The following MAPK7 variants were observed in gnomAD, a reference collection of about 807,000 sequenced individuals.
The protein encoded by MAPK7 is mitogen-activated protein kinase 7.
Under a neutral mutation model 56.9 loss-of-function variants are expected in MAPK7, and 30 were observed. The ratio of observed to expected loss-of-function variants is 0.53; its 90% CI spans 0.39 to 0.72. MAPK7 has a LOEUF of 0.72. Among genes scored for constraint, MAPK7 ranks in the 30% least tolerant of loss-of-function variants. The pLI is 0.00. For missense variants in MAPK7, 952 were observed against 1,110.8 expected, an observed-to-expected ratio of 0.86 and a Z score of 2.03; for synonymous variants, 516 against 449.3, an observed-to-expected ratio of 1.15 and a Z score of -1.88.
chr17:19,381,463 A>G lies in MAPK7; in HGVS notation c.1254A>G (p.Glu418=). ...VASEPGCPDV[E]MPSPWAPSGD... The stretch of plus-strand genomic sequence containing the variant: ...GTGAGCCTGGCTGTCCAGATGTTGA[A>G]ATGCCCAGTCCCTGGGCTCCCAGTG... Residue 418 remains glutamate, a synonymous_variant, in exon 4 of 7, where the codon GAA becomes GAG. Coordinates refer to ENST00000395604, the MANE Select transcript of MAPK7 (RefSeq NM_002749.4). The surrounding 1 kb of genome is among the most constrained non-coding windows in gnomAD (Gnocchi z 4.6). The G allele has an allele frequency of 6.2e-7, 1 of 1,614,074 alleles. No homozygotes were observed. Among genetic ancestry groups the G allele is most frequent in the Non-Finnish European group, 8.5e-7 (1 of 1,180,030 alleles).
Position 19,378,875 on chromosome 17 carries a change from C to T in MAPK7, c.-5-21C>T, listed in dbSNP as rs1268777165. ...GAGGCCCACGGTAGGTGGTCCTCTCCTCACCCGAGTCTCCACACAGACACC... is the reference window on the plus strand; with the variant it reads ...GAGGCCCACGGTAGGTGGTCCTCTCTTCACCCGAGTCTCCACACAGACACC... On this transcript the variant is annotated intron_variant, in intron 1 of 6. Transcript: ENST00000395604. This position sits in a 1 kb window ranked among gnomAD's most constrained non-coding sequence, Gnocchi z 5.4. The T allele has an allele frequency of 7.8e-6, 12 of 1,540,284 alleles. No homozygotes were observed. The highest frequency in any genetic ancestry group is 7.9e-6 in the Non-Finnish European group (9 of 1,137,730).
At position 19,383,475 on chromosome 17, in the gene MAPK7, GTTA is replaced by G. The variant is rs1032097495; in HGVS notation, c.*251_*253del. The G allele has an allele frequency of 2.9e-6, 1 of 346,570 alleles. No individual in the cohort carries two copies. The highest frequency in any genetic ancestry group is 2.1e-5 in the African/African-American group (1 of 47,250). 21.5% of individuals were successfully genotyped at this position (346,570 alleles called of 1,614,324 possible). On this transcript the variant is annotated 3_prime_UTR_variant, in exon 7 of 7. Transcript: ENST00000395604. ...AGTATTATATTTTTATTATTATTAT[GTTA>G]TTATTACACTGTCTTTTTGCCATCA...
chr17:19,378,036 T>G, upstream of MAPK7: 1 of 985,230 alleles, frequency 1.0e-6, no homozygotes, highest in Non-Finnish European at 1.2e-6. This position sits in a 1 kb window ranked among gnomAD's most constrained non-coding sequence, Gnocchi z 5.4. Flanking sequence ...CCAGAGCTCC[T>G]GGGACCAAGC....
rs747534963 is a variant in MAPK7, at chr17:19,378,859, G to A, written c.-5-37G>A. On this transcript the variant is annotated intron_variant, in intron 1 of 6. Coordinates refer to ENST00000395604, the MANE Select transcript of MAPK7 (RefSeq NM_002749.4). This position sits in a 1 kb window ranked among gnomAD's most constrained non-coding sequence, Gnocchi z 5.4. ...CCGCAGAGGGGACACTGAGGCCCAC[G>A]GTAGGTGGTCCTCTCCTCACCCGAG... 1.4e-6 allele frequency: 2 copies of A among 1,478,974 alleles called. No homozygotes were observed. Among genetic ancestry groups the A allele is most frequent in the South Asian group, 2.4e-5 (2 of 82,072 alleles). 91.6% of individuals were successfully genotyped at this position (1,478,974 alleles called of 1,614,324 possible). A position where few individuals can be genotyped will look rare whatever the true frequency, so the allele number is the denominator to read the frequency against.
At chr17:19,380,379 C>G in intron 3 of MAPK7, 1 of 1,217,990 alleles carries the variant, frequency 8.2e-7, no homozygotes, top group Non-Finnish European at 1.1e-6. Context: ...CATCTTTTAT[C>G]TGATGGGGAA....
Position 19,380,638 on chromosome 17 carries a change from C to A in MAPK7, c.429C>A (p.Asp143Glu). ...TGGTCCTGGACCTGATGGAAAGCGA[C>A]CTGCACCAGATCATCCACTCCTCAC... The part of the protein sequence containing the change: ...VYVVLDLMES[D>E]LHQIIHSSQP... Residue 143 changes from aspartate (D) to glutamate (E), a missense_variant, in exon 4 of 7, where the codon GAC (aspartate) becomes GAA (glutamate). Coordinates refer to ENST00000395604, the MANE Select transcript of MAPK7 (RefSeq NM_002749.4). 6.2e-7 allele frequency: 1 copy of A among 1,608,638 alleles called. No homozygotes were observed. Among genetic ancestry groups the A allele is most frequent in the Non-Finnish European group, 8.5e-7 (1 of 1,175,814 alleles).
rs1692057883 is a variant in MAPK7, at chr17:19,378,572, G to C, written c.-64G>C. The stretch of plus-strand genomic sequence containing the variant: ...GTGAGCCACCCTCGGAGACCCCCGC[G>C]CTGGGGACGGGAGGCCGGCGAGCCT... On this transcript the variant is annotated 5_prime_UTR_variant, in exon 1 of 7. Coordinates refer to ENST00000395604, the MANE Select transcript of MAPK7 (RefSeq NM_002749.4). The surrounding 1 kb of genome is among the most constrained non-coding windows in gnomAD (Gnocchi z 5.4). 1.6e-6 allele frequency: 2 copies of C among 1,214,554 alleles called. No individual in the cohort carries two copies. The highest frequency in any genetic ancestry group is 4.2e-5 in the Admixed American group (1 of 24,008). 75.2% of individuals were successfully genotyped at this position (1,214,554 alleles called of 1,614,324 possible).
intron 2 of MAPK7, 76 bp from the exon 3 acceptor site, chr17:19,379,706 G>A (rs934436986): frequency 1.3e-5 from 17 of 1,356,854 alleles, no homozygotes; most frequent in Non-Finnish European, 1.5e-5. Flanking sequence ...TAGAAGGGAG[G>A]TGTTGATAGG....
At position 19,381,291 on chromosome 17, in the gene MAPK7, C is replaced by T. The variant is rs755910431; in HGVS notation, c.1082C>T (p.Pro361Leu). ...CCTGATGATGAGCCTGACTGTGCCC[C>T]GCCCTTTGACTTTGCCTTTGACCGC... ...HDPDDEPDCA[P>L]PFDFAFDREA... is the part of the protein sequence containing the mutation. The change falls in exon 4 of 7, where the codon CCG becomes CTG. Residue 361 changes from proline to leucine, a missense_variant. Transcript: ENST00000395604. This position sits in a 1 kb window ranked among gnomAD's most constrained non-coding sequence, Gnocchi z 4.6. 13 of 1,613,966 alleles carry T rather than the reference C, an allele frequency of 8.1e-6. No individual in the cohort carries two copies. Among genetic ancestry groups the T allele is most frequent in the East Asian group, 2.2e-5 (1 of 44,904 alleles).
intron 6 of MAPK7, 23 bp from the exon 7 acceptor site, chr17:19,383,055 C>T (rs769686667): frequency 1.4e-5 from 22 of 1,613,368 alleles, no homozygotes; most frequent in Admixed American, 3.3e-5. Flanking sequence ...CTAATAGCAC[C>T]CCTCCCTTTC....
At chr17:19,380,001 A>C in intron 3 of MAPK7, 54 bp downstream of exon 3, 1 of 1,565,378 alleles carries the variant, frequency 6.4e-7, no homozygotes, top group Non-Finnish European at 8.7e-7. Flanking sequence ...TGAAGGCTGC[A>C]ACCATGTTGC....
At chr17:19,380,158 A>G (rs1912525845) in intron 3 of MAPK7, 2 of 601,710 alleles carry the variant, frequency 3.3e-6, no homozygotes, top group Admixed American at 3.3e-5. Flanking sequence ...ATAGAATCTT[A>G]GTATATAGGA....
intron 2 of MAPK7, 70 bp from the exon 3 acceptor site, chr17:19,379,712 A>T: frequency 6.9e-7 from 1 of 1,456,630 alleles, no homozygotes; most frequent in Non-Finnish European, 9.4e-7. Context: ...GGAGGTGTTG[A>T]TAGGGGCTGA....
chr17:19,382,428 G>A lies in MAPK7; in HGVS notation c.2125G>A (p.Asp709Asn). 1 of 1,609,514 alleles carries A rather than the reference G, an allele frequency of 6.2e-7. No individual in the cohort carries two copies. The highest frequency in any genetic ancestry group is 8.5e-7 in the Non-Finnish European group (1 of 1,177,682). ...APQSSMSESP[D>N]VNLVTQQLSK... The stretch of plus-strand genomic sequence containing the variant: ...TCAGTCTTCCATGTCAGAGTCACCT[G>A]ATGTCAACCTTGTGACCCAGCAGCT... The change falls in exon 5 of 7, where the codon GAT (aspartate) becomes AAT (asparagine). Residue 709 changes from aspartate to asparagine, a missense_variant. This residue lies in a region of MAPK7 where 234 missense variants were observed against 210.4 expected (regional missense o/e 1.11). Coordinates refer to ENST00000395604, the MANE Select transcript of MAPK7 (RefSeq NM_002749.4).
Position 19,381,010 on chromosome 17 carries a change from T to G in MAPK7, c.801T>G (p.Tyr267Ter). Residue 267 changes from tyrosine (Y) to a stop codon, truncating the protein, a stop_gained, in exon 4 of 7, where the codon TAT (tyrosine) becomes TAG (stop). Transcript: ENST00000395604. LOFTEE classifies it high-confidence loss of function. The surrounding 1 kb of genome is among the most constrained non-coding windows in gnomAD (Gnocchi z 4.6). ...GCCAGCTCTTCCCAGGCAAAAACTATGTACACCAGCTACAGCTCATCATGA... is the reference window on the plus strand; with the variant it reads ...GCCAGCTCTTCCCAGGCAAAAACTAGGTACACCAGCTACAGCTCATCATGA... ...ARRQLFPGKNYVHQLQLIMMV... is the reference protein window; with the variant it reads ...ARRQLFPGKN 2 of 1,614,144 alleles carry G rather than the reference T, an allele frequency of 1.2e-6. No homozygotes were observed. Among genetic ancestry groups the G allele is most frequent in the Non-Finnish European group, 1.7e-6 (2 of 1,180,024 alleles).
At chr17:19,378,123 A>G, upstream of MAPK7, 4 of 976,994 alleles carry the variant, frequency 4.1e-6, no homozygotes, top group Non-Finnish European at 3.6e-6. The surrounding 1 kb of genome is among the most constrained non-coding windows in gnomAD (Gnocchi z 5.4). Flanking sequence ...AGACCTGGGC[A>G]TCTCAGGCCG....
In MAPK7 at chr17:19,378,515, T is replaced by A; in HGVS notation, c.-121T>A. ...GGACGGACAGGGCAGCTCAAGACGC[T>A]GAGGTGGTGGCTGCGGCCTTTGAAC... On this transcript the variant is annotated 5_prime_UTR_variant, in exon 1 of 7. Transcript: ENST00000395604. This position sits in a 1 kb window ranked among gnomAD's most constrained non-coding sequence, Gnocchi z 5.4. 2.7e-6 allele frequency: 3 copies of A among 1,095,280 alleles called. No homozygotes were observed. The highest frequency in any genetic ancestry group is 3.4e-6 in the Non-Finnish European group (3 of 895,058). 67.8% of individuals were successfully genotyped at this position (1,095,280 alleles called of 1,614,324 possible).
chr17:19,382,702 C>T lies in MAPK7; in HGVS notation c.2164-111C>T, dbSNP rs181138364. 3.5e-4 allele frequency: 518 copies of T among 1,468,692 alleles called. 1 individual carries two copies. The African/African-American group carries it at 6.1e-3, about 17-fold the overall frequency. The allele number at this position is 1,468,692 out of a possible 1,614,324, so 91.0% of individuals were successfully genotyped here. On this transcript the variant is annotated intron_variant, in intron 5 of 6. Coordinates refer to ENST00000395604, the MANE Select transcript of MAPK7 (RefSeq NM_002749.4). ...GGGCCAGCCAGCACTCACTGACTGC[C>T]GAGACTGGTGTTAGCACTCCCAGAT...
At position 19,383,389 on chromosome 17, in the gene MAPK7, G is replaced by A; in HGVS notation, c.*158G>A. The A allele has an allele frequency of 1.5e-6, 1 of 673,640 alleles. No homozygotes were observed. The highest frequency in any genetic ancestry group is 2.4e-6 in the Non-Finnish European group (1 of 419,204). 41.7% of individuals were successfully genotyped at this position (673,640 alleles called of 1,614,324 possible). On this transcript the variant is annotated 3_prime_UTR_variant, in exon 7 of 7. Coordinates refer to ENST00000395604, the MANE Select transcript of MAPK7 (RefSeq NM_002749.4). Reference sequence around the variant, plus strand: ...ACCTTTCAGCCTTAAGCAGCCACCTGAGCCACCACCGAGCCATGGCAGGAT... The same window carrying A: ...ACCTTTCAGCCTTAAGCAGCCACCTAAGCCACCACCGAGCCATGGCAGGAT...
Sources: allele counts gnomAD v4.1 joint callset, GRCh38; gene constraint gnomAD v4.1.1; regional missense constraint gnomAD v4.1.1; non-coding constraint Gnocchi (gnomAD v3.1); transcripts MANE v1.5; gene names NCBI Gene and HGNC (gene_info 2026-07-23, HGNC 2026-07-21).